The following FSTL4 variants were observed in gnomAD, a reference collection of about 807,000 sequenced individuals.
FSTL4 encodes follistatin like 4, also known as follistatin-related protein 4.
A neutral mutation model predicts 78.2 loss-of-function variants in FSTL4; 28 were observed. The ratio of observed to expected loss-of-function variants is 0.36; its 90% CI spans 0.27 to 0.49. The LOEUF is 0.49. Among genes scored for constraint, FSTL4 ranks in the 20% least tolerant of loss-of-function variants. FSTL4 has a pLI of 0.98. For synonymous variants in FSTL4, 422 were observed against 440.5 expected, an observed-to-expected ratio of 0.96 and a Z score of 0.53; for missense variants, 922 against 1,084.9, an observed-to-expected ratio of 0.85 and a Z score of 2.11.
chr5:133,471,342 G>A (rs1757823406), intron 3 of FSTL4, among the ~76,000 whole-genome samples: 1 of 152,168 alleles, frequency 6.6e-6, no homozygotes, highest in South Asian at 2.1e-4. Context: ...AAGGGTTCAT[G>A]AAGGGATTGC....
chr5:133,760,997 A>C, the FSTL4 span, among the ~76,000 whole-genome samples: 4 of 152,200 alleles, frequency 2.6e-5, no homozygotes, highest in African/African-American at 9.6e-5. Flanking sequence ...AGCTCCTTGC[A>C]CACAGACTTC....
chr5:133,570,816 A>G (rs1760139016), intron 2 of FSTL4, among the ~76,000 whole-genome samples: 1 of 152,222 alleles, frequency 6.6e-6, no homozygotes, highest in Non-Finnish European at 1.5e-5. Flanking sequence ...GATGAGCCCC[A>G]TATTCACTGC....
chr5:133,452,307 T>C (rs976706983), intron 3 of FSTL4, among the ~76,000 whole-genome samples: 5 of 152,228 alleles, frequency 3.3e-5, no homozygotes, highest in Non-Finnish European at 7.3e-5. Flanking sequence ...TTTGCTCATA[T>C]CTCTCAAGTA....
At chr5:133,446,545 C>A (rs1028589362) in intron 3 of FSTL4, among the ~76,000 whole-genome samples, 1 of 152,206 alleles carries the variant, frequency 6.6e-6, no homozygotes, top group African/African-American at 2.4e-5. Context: ...GCACTCCCCC[C>A]ACTCCTCCAA....
At chr5:133,773,011 T>C in the FSTL4 span, among the ~76,000 whole-genome samples, 1 of 151,674 alleles carries the variant, frequency 6.6e-6, no homozygotes, top group Non-Finnish European at 1.5e-5. Flanking sequence ...AAATGTTAAC[T>C]ATTATTATTA....
At chr5:133,414,902 C>G (rs1203854645) in intron 3 of FSTL4, among the ~76,000 whole-genome samples, 1 of 152,078 alleles carries the variant, frequency 6.6e-6, no homozygotes, top group Non-Finnish European at 1.5e-5. Flanking sequence ...CTCCTGCCAC[C>G]AGGAATTTAA....
intron 3 of FSTL4, among the ~76,000 whole-genome samples, chr5:133,536,729 C>T (rs1419471549): frequency 1.3e-5 from 2 of 152,022 alleles, no homozygotes; most frequent in African/African-American, 4.8e-5. Context: ...AATTTTATTA[C>T]ATGTAACTGT....
At chr5:133,779,236 C>T in the FSTL4 span, among the ~76,000 whole-genome samples, 1 of 152,200 alleles carries the variant, frequency 6.6e-6, no homozygotes, top group African/African-American at 2.4e-5. Flanking sequence ...TCCTTCCACT[C>T]CTGTCCCCTA....
At chr5:133,467,501 T>C (rs1561728666) in intron 3 of FSTL4, among the ~76,000 whole-genome samples, 1 of 152,120 alleles carries the variant, frequency 6.6e-6, no homozygotes, top group East Asian at 1.9e-4. Flanking sequence ...GTGTTACTTG[T>C]GTCTTGGGCC....
chr5:133,716,251 A>G, the FSTL4 span, among the ~76,000 whole-genome samples: 1 of 152,216 alleles, frequency 6.6e-6, no homozygotes. Context: ...GCAAAAGTAC[A>G]GAAGGACAAG....
chr5:133,422,526 A>C (rs1249581121), intron 3 of FSTL4, among the ~76,000 whole-genome samples: 1 of 151,862 alleles, frequency 6.6e-6, no homozygotes, highest in East Asian at 1.9e-4. Flanking sequence ...GTTTACTAAA[A>C]GGGGGAAAAC....
the FSTL4 span, among the ~76,000 whole-genome samples, chr5:133,775,383 T>A: frequency 6.6e-6 from 1 of 152,212 alleles, no homozygotes; most frequent in African/African-American, 2.4e-5. Context: ...CACCAGATCA[T>A]GGGACACCAA....
chr5:133,724,513 C>T, the FSTL4 span, among the ~76,000 whole-genome samples: 1 of 152,064 alleles, frequency 6.6e-6, no homozygotes, highest in Non-Finnish European at 1.5e-5. Context: ...GCGGGAAGAG[C>T]ACTAGGAGCT....
At chr5:133,655,461 C>T in the FSTL4 span, among the ~76,000 whole-genome samples, 3 of 152,316 alleles carry the variant, frequency 2.0e-5, no homozygotes, top group South Asian at 2.1e-4. Context: ...TGGGCAATGA[C>T]AGGTACACAG....
chr5:133,743,440 TG>T, the FSTL4 span, among the ~76,000 whole-genome samples: 1 of 152,360 alleles, frequency 6.6e-6, no homozygotes, highest in Admixed American at 6.5e-5. Flanking sequence ...GGGGCTGAAC[TG>T]CTGGTTCTAC....
intron 7 of FSTL4, among the ~76,000 whole-genome samples, chr5:133,238,622 A>G (rs1173914393): frequency 1.3e-5 from 2 of 152,236 alleles, no homozygotes; most frequent in Admixed American, 1.3e-4. Context: ...ACATGGACAC[A>G]TGCAGTACAT....
In FSTL4 at chr5:133,571,383, C is replaced by A. The variant is rs542716925; in HGVS notation, c.127-4164G>T. ...TCATATATAATCTCCAGCATCCAGTCTAAAATTACCAGGCATAGCACGAAA... is the reference window on the plus strand; with the variant it reads ...TCATATATAATCTCCAGCATCCAGTATAAAATTACCAGGCATAGCACGAAA... On this transcript the variant is annotated intron_variant, in intron 2 of 15. Transcript: ENST00000265342. 7.2e-5 allele frequency among the ~76,000 whole-genome samples: 11 copies of A among 152,260 alleles called. No homozygotes were observed. The East Asian group carries it at 1.7e-3, about 24-fold the overall frequency.
At chr5:133,829,619 AG>A in the FSTL4 span, among the ~76,000 whole-genome samples, 10 of 152,302 alleles carry the variant, frequency 6.6e-5, no homozygotes, top group South Asian at 6.2e-4. Flanking sequence ...GGGGAGAGAA[AG>A]GGTTCATGGT....
At chr5:133,745,821 A>G in the FSTL4 span, among the ~76,000 whole-genome samples, 1 of 152,242 alleles carries the variant, frequency 6.6e-6, no homozygotes, top group African/African-American at 2.4e-5. Context: ...ATTCCAGAAC[A>G]AAGTTTTGAG....
Sources: gnomAD v4.1 joint callset for allele counts (sites outside exome capture counted in the v4.1 genomes callset) on GRCh38, gnomAD v4.1.1 for gene constraint, MANE v1.5 for transcripts, NCBI Gene and HGNC (gene_info 2026-07-23, HGNC 2026-07-21) for gene names.